The following CNBD1 variants were observed in gnomAD, a reference collection of about 807,000 sequenced individuals.
CNBD1 encodes cyclic nucleotide binding domain containing 1, also known as cyclic nucleotide-binding domain-containing protein 1.
Under a neutral mutation model 54.4 loss-of-function variants are expected in CNBD1, and 71 were observed. That is an observed-to-expected ratio of 1.30 (90% CI 1.08 to 1.59). CNBD1 has a LOEUF of 1.59. Among genes scored for constraint, CNBD1 ranks in the 40% most tolerant of loss-of-function variants. The pLI, the probability that CNBD1 is intolerant of heterozygous loss-of-function variation, is 0.00. For missense variants in CNBD1, 659 were observed against 518.0 expected (o/e 1.27, Z -2.64); for synonymous variants, 182 against 170.7 (o/e 1.07, Z -0.51).
At chr8:87,300,437 A>T (rs1021087042) in intron 8 of CNBD1, among the ~76,000 whole-genome samples, 1 of 152,168 alleles carries the variant, frequency 6.6e-6, no homozygotes, top group African/African-American at 2.4e-5. Context: ...ACTTTAAAAA[A>T]TCTAAAGTTA....
At chr8:87,348,731 C>A (rs962812372) in intron 8 of CNBD1, among the ~76,000 whole-genome samples, 2 of 152,126 alleles carry the variant, frequency 1.3e-5, no homozygotes, top group Non-Finnish European at 2.9e-5. Flanking sequence ...AAACTGAGAC[C>A]TTCACTATCC....
intron 4 of CNBD1, among the ~76,000 whole-genome samples, chr8:87,081,787 T>C (rs1012198774): frequency 3.3e-5 from 5 of 152,136 alleles, no homozygotes; most frequent in African/African-American, 1.2e-4. Flanking sequence ...ATTACATGCA[T>C]GAGCCACCAC....
Position 86,938,267 on chromosome 8 carries a change from G to A in CNBD1, c.273-1329G>A, listed in dbSNP as rs896528153. 2.2e-4 allele frequency among the ~76,000 whole-genome samples: 34 copies of A among 152,128 alleles called. 1 individual carries two copies. The highest frequency in any genetic ancestry group is 1.8e-3 in the Admixed American group (27 of 15,270). On this transcript the variant is annotated intron_variant, in intron 3 of 10. Transcript: ENST00000518476. Reference sequence around the variant, plus strand: ...TATCACTATCAGCATTTTGCTCAAAGCCATTTGACAAGTCTCTAGGAAGTT... The same window carrying A: ...TATCACTATCAGCATTTTGCTCAAAACCATTTGACAAGTCTCTAGGAAGTT...
intron 4 of CNBD1, among the ~76,000 whole-genome samples, chr8:87,168,140 G>A (rs1332954974): frequency 3.3e-5 from 5 of 151,988 alleles, no homozygotes; most frequent in Admixed American, 2.6e-4. Flanking sequence ...GTATATGTAT[G>A]CACAGTTTTA....
chr8:86,980,401 CT>C (rs1808455025), intron 4 of CNBD1, among the ~76,000 whole-genome samples: 2 of 152,238 alleles, frequency 1.3e-5, no homozygotes, highest in African/African-American at 4.8e-5. Flanking sequence ...CATTTATCCA[CT>C]TCCTTAGTGC....
intron 8 of CNBD1, among the ~76,000 whole-genome samples, chr8:87,318,402 G>T (rs1809445788): frequency 6.6e-6 from 1 of 152,024 alleles, no homozygotes; most frequent in Non-Finnish European, 1.5e-5. Context: ...ATCTTTCTCA[G>T]GCAGGATCAG....
intron 4 of CNBD1, among the ~76,000 whole-genome samples, chr8:86,967,429 G>A (rs11785525): frequency 0.73 from 110,742 of 152,208 alleles, 41,759 homozygotes; most frequent in East Asian, 0.95. Context: ...GGTGCAACCC[G>A]GGAGCTCTGG....
chr8:87,309,427 T>G (rs1214463820), intron 8 of CNBD1, among the ~76,000 whole-genome samples: 1 of 152,150 alleles, frequency 6.6e-6, no homozygotes, highest in Non-Finnish European at 1.5e-5. Context: ...AAATTACAGA[T>G]TTTCCTCCAA....
chr8:87,190,413 G>A (rs780271201), intron 4 of CNBD1, among the ~76,000 whole-genome samples: 3 of 152,052 alleles, frequency 2.0e-5, no homozygotes. Flanking sequence ...TTGTAAATCT[G>A]AGCTGATTCC....
chr8:86,922,929 A>T (rs1246084458), intron 3 of CNBD1, among the ~76,000 whole-genome samples: 4 of 152,128 alleles, frequency 2.6e-5, no homozygotes, highest in Non-Finnish European at 4.4e-5. Flanking sequence ...CTAAGTAAGG[A>T]GAAACTACAA....
intron 1 of CNBD1, among the ~76,000 whole-genome samples, chr8:86,870,690 A>G (rs1808431429): frequency 6.6e-6 from 1 of 152,234 alleles, no homozygotes; most frequent in African/African-American, 2.4e-5. Context: ...ATATTGTACC[A>G]TTTAAAAGTT....
At chr8:87,411,323 A>G (rs1217894836) in intron 2 of CNBD1, among the ~76,000 whole-genome samples, 1 of 148,006 alleles carries the variant, frequency 6.8e-6, no homozygotes, top group East Asian at 2.1e-4. Context: ...CTTGTGATTC[A>G]CCACAAAAGT....
At chr8:87,419,627 GAA>G (rs1209843913) in intron 2 of CNBD1, among the ~76,000 whole-genome samples, 1 of 151,832 alleles carries the variant, frequency 6.6e-6, no homozygotes, top group Admixed American at 6.6e-5. Flanking sequence ...AGATAGCTCT[GAA>G]AAGAGTAATG....
intron 4 of CNBD1, among the ~76,000 whole-genome samples, chr8:87,120,514 C>G (rs1197893180): frequency 1.3e-5 from 2 of 151,518 alleles, no homozygotes; most frequent in Admixed American, 1.3e-4. Context: ...GAAGAAATAA[C>G]TTTTTATTTT....
chr8:87,408,682 G>A (rs1437819944), intron 2 of CNBD1, among the ~76,000 whole-genome samples: 1 of 152,010 alleles, frequency 6.6e-6, no homozygotes, highest in Non-Finnish European at 1.5e-5. Context: ...CCTGCATCAA[G>A]GAAGTTTATC....
At chr8:86,928,847 G>T (rs985447036) in intron 3 of CNBD1, among the ~76,000 whole-genome samples, 6 of 152,176 alleles carry the variant, frequency 3.9e-5, no homozygotes, top group African/African-American at 1.4e-4. Flanking sequence ...TTTGATGAGT[G>T]TTCTCAATAC....
At chr8:87,235,192 G>A (rs1186923118) in intron 5 of CNBD1, among the ~76,000 whole-genome samples, 1 of 152,128 alleles carries the variant, frequency 6.6e-6, no homozygotes, top group Non-Finnish European at 1.5e-5. Flanking sequence ...CATCTATCCA[G>A]ACCAGTAAAA....
chr8:87,206,751 T>A (rs965524732), intron 5 of CNBD1, among the ~76,000 whole-genome samples: 38 of 152,330 alleles, frequency 2.5e-4, no homozygotes, highest in African/African-American at 8.7e-4. Flanking sequence ...GCATATAATT[T>A]AATACATTCT....
intron 8 of CNBD1, among the ~76,000 whole-genome samples, chr8:87,297,898 CTATCTAGAATTCTATATTT>C (rs1395607623): frequency 4.4e-4 from 67 of 151,724 alleles, no homozygotes; most frequent in Non-Finnish European, 2.8e-4. Flanking sequence ...TCTCTATATT[CTATCTAGAATTCTATATTT>C]TATCTAGAAT....
Sources: gnomAD v4.1 joint callset for allele counts (sites outside exome capture counted in the v4.1 genomes callset) on GRCh38, gnomAD v4.1.1 for gene constraint, MANE v1.5 for transcripts, NCBI Gene and HGNC (gene_info 2026-07-23, HGNC 2026-07-21) for gene names.